The following RPS6KA4 variants were observed in gnomAD, a reference collection of about 807,000 sequenced individuals.
RPS6KA4 encodes ribosomal protein S6 kinase A4.
RPS6KA4 carries 38 observed loss-of-function variants against 89.6 expected under a neutral mutation model. The observed-to-expected ratio is 0.42, with a 90% confidence interval of 0.33 to 0.56. The LOEUF is 0.56. RPS6KA4 is among the 20% of genes least tolerant of loss of function. The probability of loss-of-function intolerance (pLI) is 0.07; values close to 1 mark genes in which losing one functional copy is unlikely to be tolerated. For synonymous variants in RPS6KA4, 495 were observed against 492.8 expected (o/e 1.00, Z -0.06); for missense variants, 873 against 1,098.8 (o/e 0.79, Z 2.90).
rs542491475 is a variant in RPS6KA4 at position 64,371,145 on chromosome 11, G to T, written c.2122-138G>T. On this transcript the variant is annotated intron_variant, in intron 16 of 16. Coordinates refer to ENST00000334205, the MANE Select transcript of RPS6KA4 (RefSeq NM_003942.3). ...AAAAAAAGGGAGGTGAACCGAATCC[G>T]GTGGTCGGTCTGGAGGCCAAGGCCC... The T allele has an allele frequency of 7.0e-6, 5 of 713,966 alleles. No homozygotes were observed. The Admixed American group carries it at 7.6e-5, about 11-fold the overall frequency. 44.2% of individuals were successfully genotyped at this position (713,966 alleles called of 1,614,324 possible).
rs745695509 is a variant in RPS6KA4 at position 64,368,754 on chromosome 11, C to A, written c.1385C>A (p.Ser462Ter). The change falls in exon 12 of 17, where the codon TCA (serine) becomes TAA (stop). Residue 462 changes from serine (S) to a stop codon, truncating the protein, a stop_gained. Coordinates refer to ENST00000334205, the MANE Select transcript of RPS6KA4 (RefSeq NM_003942.3). LOFTEE classifies it high-confidence loss of function. ...REVAALRLCQ[S>*]HPNVVNLHEV... ...GTGGCTGCCCTGCGCCTGTGCCAGT[C>A]ACACCCCAACGTGGTGAATCTGCAC... The A allele has an allele frequency of 7.6e-6, 12 of 1,574,036 alleles. No individual in the cohort carries two copies. Among genetic ancestry groups the A allele is most frequent in the Non-Finnish European group, 1.0e-5 (12 of 1,160,090 alleles).
intron 8 of RPS6KA4, among the ~76,000 whole-genome samples, chr11:64,364,546 G>A (rs1028791124): frequency 6.6e-6 from 1 of 152,140 alleles, no homozygotes; most frequent in African/African-American, 2.4e-5. Context: ...GCTCTCATAA[G>A]TGAAAAGGTC....
Position 64,360,336 on chromosome 11 carries a change from C to T in RPS6KA4, c.301C>T (p.Leu101=), listed in dbSNP as rs1181380322. The T allele has an allele frequency of 6.5e-7, 1 of 1,549,688 alleles. No homozygotes were observed. Among genetic ancestry groups the T allele is most frequent in the South Asian group, 1.2e-5 (1 of 83,962 alleles). The change falls in exon 3 of 17, where the codon CTG becomes TTG. Residue 101 remains leucine (L), a synonymous_variant. Coordinates refer to ENST00000334205, the MANE Select transcript of RPS6KA4 (RefSeq NM_003942.3). ...GCGCCAGGCGCCCTTCCTGGTCACG[C>T]TGCACTACGCTTTCCAGACGGATGC... is the stretch of plus-strand genomic sequence containing the variant. The part of the protein sequence containing the change: ...LVRQAPFLVT[L]HYAFQTDAKL...
Position 64,362,007 on chromosome 11 carries a change from G to A in RPS6KA4, c.906+5G>A, listed in dbSNP as rs771064525. 1.2e-6 allele frequency: 2 copies of A among 1,607,778 alleles called. No individual in the cohort carries two copies. Among genetic ancestry groups the A allele is most frequent in the African/African-American group, 2.7e-5 (2 of 74,420 alleles). On this transcript the variant is annotated splice_donor_5th_base_variant and intron_variant, in intron 8 of 16. Coordinates refer to ENST00000334205, the MANE Select transcript of RPS6KA4 (RefSeq NM_003942.3). ...CGGAACCATCCCTTCTTCCAGGTGA[G>A]GCTGACTCAGGGCCCCATACCTCCT...
rs774217709 is a variant in RPS6KA4, at chr11:64,370,199, G to A, written c.1798-26G>A. The A allele has an allele frequency of 4.0e-5, 60 of 1,516,366 alleles. No homozygotes were observed. The highest frequency in any genetic ancestry group is 5.3e-5 in the Non-Finnish European group (60 of 1,136,636). 93.9% of individuals were successfully genotyped at this position (1,516,366 alleles called of 1,614,324 possible). On this transcript the variant is annotated intron_variant, in intron 14 of 16. Coordinates refer to ENST00000334205, the MANE Select transcript of RPS6KA4 (RefSeq NM_003942.3). This position sits in a 1 kb window ranked among gnomAD's most constrained non-coding sequence, Gnocchi z 4.1. ...AGCCTCGGCACCCCAGCCTGGGCCG[G>A]CCTCACCTTCCCCTCACCCTCCTAG...
At position 64,370,272 on chromosome 11, in the gene RPS6KA4, G is replaced by A. The variant is rs1231541269; in HGVS notation, c.1845G>A (p.Gln615=). 1.1e-5 allele frequency: 17 copies of A among 1,586,240 alleles called. No individual in the cohort carries two copies. The highest frequency in any genetic ancestry group is 1.5e-5 in the Non-Finnish European group (17 of 1,172,138). The change falls in exon 15 of 17, where the codon CAG becomes CAA. Residue 615 remains glutamine, a synonymous_variant. Transcript: ENST00000334205. This position sits in a 1 kb window ranked among gnomAD's most constrained non-coding sequence, Gnocchi z 4.1. ...TCCCCTTCCAGGGGGCCTCTGGCCA[G>A]GGCGGGCAGAGCCAGGCGGCCGAGA... ...GQVPFQGASG[Q]GGQSQAAEIM...
intron 9 of RPS6KA4, among the ~76,000 whole-genome samples, chr11:64,366,174 T>C (rs2036878677): frequency 6.6e-6 from 1 of 150,722 alleles, no homozygotes; most frequent in Admixed American, 6.6e-5. Flanking sequence ...ACCGAATTTT[T>C]TTTTTTTTTT....
chr11:64,369,576 T>C lies in RPS6KA4; in HGVS notation c.1559T>C (p.Met520Thr), dbSNP rs375458215. 6.2e-7 allele frequency: 1 copy of C among 1,606,830 alleles called. No homozygotes were observed. The highest frequency in any genetic ancestry group is 8.5e-7 in the Non-Finnish European group (1 of 1,177,234). Reference sequence around the variant, plus strand: ...AGCCTCGTGTCGGCCGTGAGCTTCATGCACGAGGAGGCGGGCGTGGTGCAC... The same window carrying C: ...AGCCTCGTGTCGGCCGTGAGCTTCACGCACGAGGAGGCGGGCGTGGTGCAC... ...LRSLVSAVSF[M>T]HEEAGVVHRD... The change falls in exon 13 of 17, where the codon ATG becomes ACG. Residue 520 changes from methionine (M) to threonine (T), a missense_variant. Physicochemically the swap from Met to Thr is moderately conservative, Grantham distance 81. Coordinates refer to ENST00000334205, the MANE Select transcript of RPS6KA4 (RefSeq NM_003942.3).
Position 64,360,611 on chromosome 11 carries a change from G to A in RPS6KA4, c.462+19G>A, listed in dbSNP as rs1186120852. On this transcript the variant is annotated intron_variant, in intron 4 of 16. Coordinates refer to ENST00000334205, the MANE Select transcript of RPS6KA4 (RefSeq NM_003942.3). ...GCACAAGGTGGGTGAAGACCTGGCC[G>A]CAGGCTGTTGCTATGGAAACTGGGT... 15 of 1,565,212 alleles carry A rather than the reference G, an allele frequency of 9.6e-6. No homozygotes were observed. The highest frequency in any genetic ancestry group is 1.8e-5 in the Admixed American group (1 of 54,138).
Position 64,365,454 on chromosome 11 carries a change from C to T in RPS6KA4, c.1060C>T (p.Arg354Ter). 2 of 1,613,824 alleles carry T rather than the reference C, an allele frequency of 1.2e-6. No individual in the cohort carries two copies. The highest frequency in any genetic ancestry group is 1.7e-6 in the Non-Finnish European group (2 of 1,179,984). Residue 354 changes from arginine to a stop codon, truncating the protein, a stop_gained, in exon 9 of 17, where the codon CGA (arginine) becomes TGA (stop). Transcript: ENST00000334205. LOFTEE classifies it high-confidence loss of function. ...TGGCAGCCCCCCACCTGGGGACCCC[C>T]GAATCTTTCAGGTGAGGGGAAACTC... ...PPGSPPPGDP[R>*]IFQGYSFVAP...
At chr11:64,363,639 G>T (rs894601295) in intron 8 of RPS6KA4, among the ~76,000 whole-genome samples, 3 of 151,942 alleles carry the variant, frequency 2.0e-5, no homozygotes, top group Non-Finnish European at 2.9e-5. Context: ...TTACAGGTGC[G>T]CACCATCATG....
At position 64,368,512 on chromosome 11, in the gene RPS6KA4, T is replaced by G; in HGVS notation, c.1245T>G (p.Pro415=). Residue 415 remains proline, a synonymous_variant, in exon 11 of 17, where the codon CCT becomes CCG. Transcript: ENST00000334205. The part of the protein sequence containing the change: ...FQQYELDLRE[P]ALGQGSFSVC... ...AGTACGAGCTGGACCTGCGGGAGCC[T>G]GCGCTGGGCCAGGGCAGCTTTTCTG... The G allele has an allele frequency of 2.6e-6, 4 of 1,567,034 alleles. No homozygotes were observed. Among genetic ancestry groups the G allele is most frequent in the Non-Finnish European group, 3.5e-6 (4 of 1,157,314 alleles).
chr11:64,366,383 A>G (rs1239310553), intron 9 of RPS6KA4, among the ~76,000 whole-genome samples: 6 of 152,042 alleles, frequency 3.9e-5, no homozygotes. Flanking sequence ...GTTGGCCTGG[A>G]TGGTCTCAAT....
In RPS6KA4 at chr11:64,371,377, C is replaced by G; in HGVS notation, c.2216C>G (p.Thr739Ser). Reference sequence around the variant, plus strand: ...CGGAAGCAGAAGCTGCGGAGCGCCACCGCCTCCCGCCGGGGCTCCCCTGCA... The same window carrying G: ...CGGAAGCAGAAGCTGCGGAGCGCCAGCGCCTCCCGCCGGGGCTCCCCTGCA... ...KRRKQKLRSA[T>S]ASRRGSPAPA... Residue 739 changes from threonine (T) to serine (S), a missense_variant, in exon 17 of 17, where the codon ACC (threonine) becomes AGC (serine). By Grantham distance (58) the Thr-to-Ser change is moderately conservative (BLOSUM62 1). This residue lies in a region of RPS6KA4 where 278 missense variants were observed against 284.8 expected (regional missense o/e 0.98). Coordinates refer to ENST00000334205, the MANE Select transcript of RPS6KA4 (RefSeq NM_003942.3). The G allele has an allele frequency of 6.2e-7, 1 of 1,612,188 alleles. No homozygotes were observed.
rs767781874 is a variant in RPS6KA4, at chr11:64,370,233, G to T, written c.1806G>T (p.Met602Ile). 1 of 1,557,356 alleles carries T rather than the reference G, an allele frequency of 6.4e-7. No individual in the cohort carries two copies. Among genetic ancestry groups the T allele is most frequent in the South Asian group, 1.2e-5 (1 of 81,640 alleles). Residue 602 changes from methionine (M) to isoleucine (I), a missense_variant, in exon 15 of 17, where the codon ATG becomes ATT. Transcript: ENST00000334205. This position sits in a 1 kb window ranked among gnomAD's most constrained non-coding sequence, Gnocchi z 4.1. ...TCCCCTCACCCTCCTAGTACATGAT[G>T]CTGTCGGGGCAGGTCCCCTTCCAGG... ...LWSLGVILYM[M>I]LSGQVPFQGA...
chr11:64,370,758 T>G lies in RPS6KA4; in HGVS notation c.2121+32T>G. ...GGCAGGGTCTGTTGAAGGGAAGGGG[T>G]GGGCGAAGCCTCGAGAGGTGGGGTC... On this transcript the variant is annotated intron_variant, in intron 16 of 16. Coordinates refer to ENST00000334205, the MANE Select transcript of RPS6KA4 (RefSeq NM_003942.3). This position sits in a 1 kb window ranked among gnomAD's most constrained non-coding sequence, Gnocchi z 4.1. The G allele has an allele frequency of 1.3e-6, 2 of 1,493,074 alleles. No homozygotes were observed. The highest frequency in any genetic ancestry group is 1.4e-5 in the African/African-American group (1 of 72,462). The allele number at this position is 1,493,074 out of a possible 1,614,324, so 92.5% of individuals were successfully genotyped here.
chr11:64,359,965 C>T (rs1188235046), intron 2 of RPS6KA4, among the ~76,000 whole-genome samples, 198 bp from the exon 3 acceptor site: 1 of 152,212 alleles, frequency 6.6e-6, no homozygotes. Flanking sequence ...CATCCTTTCC[C>T]TGGTTTTGCT....
Position 64,369,628 on chromosome 11 carries a change from G to T in RPS6KA4, c.1602+9G>T. On this transcript the variant is annotated intron_variant, in intron 13 of 16. Coordinates refer to ENST00000334205, the MANE Select transcript of RPS6KA4 (RefSeq NM_003942.3). Reference sequence around the variant, plus strand: ...GCGACCTCAAGCCGGAGGTGGGCGAGCTGCCTCGGCGGCGGGGCGGAGCGG... The same window carrying T: ...GCGACCTCAAGCCGGAGGTGGGCGATCTGCCTCGGCGGCGGGGCGGAGCGG... The T allele has an allele frequency of 6.2e-7, 1 of 1,602,548 alleles. No homozygotes were observed. Among genetic ancestry groups the T allele is most frequent in the South Asian group, 1.1e-5 (1 of 90,266 alleles).
At chr11:64,360,810 T>C (rs1392249708) in intron 4 of RPS6KA4, among the ~76,000 whole-genome samples, 1 of 152,080 alleles carries the variant, frequency 6.6e-6, no homozygotes, top group Non-Finnish European at 1.5e-5. Flanking sequence ...GAAGGGGCTT[T>C]CCTCTTTCAG....
Sources: gnomAD v4.1 joint callset for allele counts (sites outside exome capture counted in the v4.1 genomes callset) on GRCh38, gnomAD v4.1.1 for gene constraint, gnomAD v4.1.1 regional missense constraint, Gnocchi (gnomAD v3.1) non-coding constraint, MANE v1.5 for transcripts, NCBI Gene and HGNC (gene_info 2026-07-23, HGNC 2026-07-21) for gene names.